The following FSCB variants were observed in gnomAD, a reference collection of about 807,000 sequenced individuals.
FSCB encodes the protein fibrous sheath CABYR binding protein, also known as fibrous sheath CABYR-binding protein.
For synonymous variants in FSCB, 331 were observed against 336.6 expected, an observed-to-expected ratio of 0.98 and a Z score of 0.18; for missense variants, 975 against 934.8, an observed-to-expected ratio of 1.04 and a Z score of -0.56.
In FSCB at chr14:44,504,828, T is replaced by C; in HGVS notation, c.2160A>G (p.Pro720=). Residue 720 remains proline, a synonymous_variant, in exon 1 of 1, where the codon CCA becomes CCG. Transcript: ENST00000340446. ...ACTCCTCAGTCAGAAGCAAATCAGC[T>C]GGTGGGGAATGTTTGTCAACGGAGG... ...EEASVDKHSP[P]ADLLLTEEFP... is the part of the protein sequence containing the mutation. 1.9e-6 allele frequency: 3 copies of C among 1,614,082 alleles called. No individual in the cohort carries two copies. The highest frequency in any genetic ancestry group is 8.5e-7 in the Non-Finnish European group (1 of 1,180,008).
Position 44,505,223 on chromosome 14 carries a change from C to T in FSCB, c.1765G>A (p.Ala589Thr). ...PSGEETTAEE[A>T]SAAIQLLAAT... ...GCTAGAAGCTGAATTGCAGCAGAGG[C>T]CTCTTCTGCAGTGGTCTCTTCACCT... The change falls in exon 1 of 1, where the codon GCC becomes ACC. Residue 589 changes from alanine (A) to threonine (T), a missense_variant. Ala to Thr is a moderately conservative substitution (Grantham distance 58, BLOSUM62 0). Coordinates refer to ENST00000340446, the MANE Select transcript of FSCB (RefSeq NM_032135.4). 2 of 1,612,976 alleles carry T rather than the reference C, an allele frequency of 1.2e-6. No homozygotes were observed. Among genetic ancestry groups the T allele is most frequent in the East Asian group, 2.2e-5 (1 of 44,858 alleles).
the FSCB span, chr14:44,505,866 CTT>C: frequency 6.2e-7 from 1 of 1,613,962 alleles, no homozygotes; most frequent in Non-Finnish European, 8.5e-7. Context: ...CTGAAGGAGA[CTT>C]TTCAGCTGGT....
At position 44,506,833 on chromosome 14, in the gene FSCB, G is replaced by A; in HGVS notation, c.155C>T (p.Ser52Phe). The A allele has an allele frequency of 1.2e-6, 2 of 1,614,052 alleles. No individual in the cohort carries two copies. The highest frequency in any genetic ancestry group is 1.7e-6 in the Non-Finnish European group (2 of 1,179,968). ...SAKAYESIRV[S>F]SELQQTWTKR... is the part of the protein sequence containing the mutation. Reference sequence around the variant, plus strand: ...TGTCCAAGTTTGCTGAAGCTCAGAAGATACTCTAATAGACTCATAGGCTTT... The same window carrying A: ...TGTCCAAGTTTGCTGAAGCTCAGAAAATACTCTAATAGACTCATAGGCTTT... The change falls in exon 1 of 1, where the codon TCT (serine) becomes TTT (phenylalanine). Residue 52 changes from serine to phenylalanine, a missense_variant. Ser to Phe is a radical substitution (Grantham distance 155, BLOSUM62 -2). Coordinates refer to ENST00000340446, the MANE Select transcript of FSCB (RefSeq NM_032135.4).
In FSCB at chr14:44,506,630, TTGG is replaced by T. The variant is rs1355178896; in HGVS notation, c.355_357del (p.Pro119del). 1 of 1,614,136 alleles carries T rather than the reference TTGG, an allele frequency of 6.2e-7. No individual in the cohort carries two copies. The highest frequency in any genetic ancestry group is 1.7e-5 in the Admixed American group (1 of 60,030). On this transcript the variant is annotated inframe_deletion, in exon 1 of 1. Transcript: ENST00000340446. The stretch of plus-strand genomic sequence containing the variant: ...ATTTTTAGTTGAACTGAAGGTATGT[TTGG>T]TGGAATTTCTACATCCTGAACACTC...
rs1317712871 is a variant in FSCB at position 44,505,826 on chromosome 14, A to G, written c.1162T>C (p.Ser388Pro). ...VELLGEIRSP[S>P]AQKAPIEVQP... is the part of the protein sequence containing the mutation. Reference sequence around the variant, plus strand: ...ACTTCAATGGGAGCCTTTTGTGCTGAGGGAGACCGAATTTCACCAAGAAGC... The same window carrying G: ...ACTTCAATGGGAGCCTTTTGTGCTGGGGGAGACCGAATTTCACCAAGAAGC... Residue 388 changes from serine to proline, a missense_variant, in exon 1 of 1, where the codon TCA (serine) becomes CCA (proline). Ser to Pro is a moderately conservative substitution (Grantham distance 74, BLOSUM62 -1). Coordinates refer to ENST00000340446, the MANE Select transcript of FSCB (RefSeq NM_032135.4). The G allele has an allele frequency of 6.2e-7, 1 of 1,614,006 alleles. No homozygotes were observed. Among genetic ancestry groups the G allele is most frequent in the Non-Finnish European group, 8.5e-7 (1 of 1,180,000 alleles).
rs771018416 is a variant in FSCB, at chr14:44,505,625, T to C, written c.1363A>G (p.Thr455Ala). 2.0e-5 allele frequency: 33 copies of C among 1,612,852 alleles called. No individual in the cohort carries two copies. The highest frequency in any genetic ancestry group is 2.7e-5 in the African/African-American group (2 of 74,734). Residue 455 changes from threonine to alanine, a missense_variant, in exon 1 of 1, where the codon ACT (threonine) becomes GCT (alanine). By Grantham distance (58) the Thr-to-Ala change is moderately conservative. Coordinates refer to ENST00000340446, the MANE Select transcript of FSCB (RefSeq NM_032135.4). ...TTAGGTAATGGAGACTGAAATTCAG[T>C]AGGAGCCTCTTCTGCAGGGGTCTCC... ...AMETPAEEAP[T>A]EFQSPLPKET... is the part of the protein sequence containing the mutation.
chr14:44,506,983 A>G lies in FSCB; in HGVS notation c.5T>C (p.Val2Ala). 1.9e-6 allele frequency: 3 copies of G among 1,575,944 alleles called. No individual in the cohort carries two copies. The highest frequency in any genetic ancestry group is 1.7e-6 in the Non-Finnish European group (2 of 1,156,362). Residue 2 changes from valine (V) to alanine (A), a missense_variant, in exon 1 of 1, where the codon GTA (valine) becomes GCA (alanine). Val to Ala is a moderately conservative substitution (Grantham distance 64). Coordinates refer to ENST00000340446, the MANE Select transcript of FSCB (RefSeq NM_032135.4). ...TACATCAGTTTGCTGGGATTTGCCT[A>G]CCATTGGTTTGCTGGGTCATCTTCT... Reference protein sequence around the residue: MVGKSQQTDVIE... With the variant: MAGKSQQTDVIE...
Position 44,506,453 on chromosome 14 carries a change from CCTTTGA to C in FSCB, c.529_534del (p.Ser177_Lys178del). Reference sequence around the variant, plus strand: ...GACGATTTATGTTTCAGGGCATCTTCCTTTGACTTTGTAGAAGAACTATCTGGCCTG... The same window carrying C: ...GACGATTTATGTTTCAGGGCATCTTCCTTTGTAGAAGAACTATCTGGCCTG... On this transcript the variant is annotated inframe_deletion, in exon 1 of 1. Coordinates refer to ENST00000340446, the MANE Select transcript of FSCB (RefSeq NM_032135.4). 3.7e-6 allele frequency: 6 copies of C among 1,614,162 alleles called. No individual in the cohort carries two copies. The highest frequency in any genetic ancestry group is 1.1e-5 in the South Asian group (1 of 91,072).
Position 44,505,246 on chromosome 14 carries a change from C to T in FSCB, c.1742G>A (p.Gly581Asp), listed in dbSNP as rs751335150. Reference protein sequence around the residue: ...EAPLELQPPSGEETTAEEASA... With the variant: ...EAPLELQPPSDEETTAEEASA... ...GGCCTCTTCTGCAGTGGTCTCTTCA[C>T]CTGATGGAGGCTGAAGCTCAAGAGG... is the stretch of plus-strand genomic sequence containing the variant. The change falls in exon 1 of 1, where the codon GGT becomes GAT. Residue 581 changes from glycine (G) to aspartate (D), a missense_variant. Gly to Asp is a moderately conservative substitution (Grantham distance 94, BLOSUM62 -1). Transcript: ENST00000340446. 1 of 1,579,978 alleles carries T rather than the reference C, an allele frequency of 6.3e-7. No individual in the cohort carries two copies. The highest frequency in any genetic ancestry group is 1.8e-5 in the Admixed American group (1 of 56,726).
Position 44,506,067 on chromosome 14 carries a change from A to C in FSCB, c.921T>G (p.Thr307=), listed in dbSNP as rs760860291. The C allele has an allele frequency of 2.5e-5, 41 of 1,614,140 alleles. No homozygotes were observed. The Middle Eastern group carries it at 4.9e-4, about 19-fold the overall frequency. Residue 307 remains threonine (T), a synonymous_variant, in exon 1 of 1, where the codon ACT becomes ACG. Coordinates refer to ENST00000340446, the MANE Select transcript of FSCB (RefSeq NM_032135.4). ...CTTTAACAGAATTCTCCGCAACTGC[A>C]GTGGCTGCCTCAGCATCAGGAGTCT... ...TEETPDAEAA[T]AVAENSVKVQ... is the part of the protein sequence containing the mutation.
rs1160532756 is a variant in FSCB, at chr14:44,506,542, T to C, written c.446A>G (p.Glu149Gly). ...TGTCTGTTGTTCCTTGTCCACTTTT[T>C]CTACAGGGGGGATGTTCATCATGGT... ...YWTMMNIPPV[E>G]KVDKEQQTYF... Residue 149 changes from glutamate (E) to glycine (G), a missense_variant, in exon 1 of 1, where the codon GAA becomes GGA. Physicochemically the swap from Glu to Gly is moderately conservative, Grantham distance 98. Transcript: ENST00000340446. 6.2e-7 allele frequency: 1 copy of C among 1,614,100 alleles called. No homozygotes were observed. Among genetic ancestry groups the C allele is most frequent in the Non-Finnish European group, 8.5e-7 (1 of 1,180,038 alleles).
In FSCB at chr14:44,504,809, C is replaced by T; in HGVS notation, c.2179G>A (p.Glu727Lys). The change falls in exon 1 of 1, where the codon GAG becomes AAG. Residue 727 changes from glutamate (E) to lysine (K), a missense_variant. Glu to Lys is a moderately conservative substitution (Grantham distance 56, BLOSUM62 1). Transcript: ENST00000340446. ...HSPPADLLLT[E>K]EFPIGEASAE... ...GAGGCCTCTCCTATAGGAAACTCCTCAGTCAGAAGCAAATCAGCTGGTGGG... is the reference window on the plus strand; with the variant it reads ...GAGGCCTCTCCTATAGGAAACTCCTTAGTCAGAAGCAAATCAGCTGGTGGG... 2 of 1,614,158 alleles carry T rather than the reference C, an allele frequency of 1.2e-6. No individual in the cohort carries two copies. The highest frequency in any genetic ancestry group is 1.7e-6 in the Non-Finnish European group (2 of 1,180,034).
chr14:44,507,061 T>C lies in FSCB; in HGVS notation c.-74A>G, dbSNP rs530257531. 1.3e-5 allele frequency: 14 copies of C among 1,111,308 alleles called. No homozygotes were observed. The highest frequency in any genetic ancestry group is 4.9e-5 in the East Asian group (2 of 41,084). The allele number at this position is 1,111,308 out of a possible 1,614,324, so 68.8% of individuals were successfully genotyped here. On this transcript the variant is annotated 5_prime_UTR_variant, in exon 1 of 1. Coordinates refer to ENST00000340446, the MANE Select transcript of FSCB (RefSeq NM_032135.4). ...GATAGGCTGATTAGAGTCATCACTT[T>C]CTTCCATTTCTAAGAGTAGTGATTT...
rs1284621897 is a variant in FSCB, at chr14:44,506,211, A to T, written c.777T>A (p.Pro259=). 6.2e-7 allele frequency: 1 copy of T among 1,614,018 alleles called. No homozygotes were observed. Among genetic ancestry groups the T allele is most frequent in the African/African-American group, 1.3e-5 (1 of 74,902 alleles). ...VKKVASAEIE[P]PSTEKFPAKI... ...TAGCTGGGAATTTTTCTGTTGATGG[A>T]GGCTCTATTTCAGCAGAAGCCACTT... Residue 259 remains proline, a synonymous_variant, in exon 1 of 1, where the codon CCT becomes CCA. Transcript: ENST00000340446.
At position 44,506,650 on chromosome 14, in the gene FSCB, T is replaced by C; in HGVS notation, c.338A>G (p.Gln113Arg). Reference protein sequence around the residue: ...EAAIELPESVQDVEIPPNIPS... With the variant: ...EAAIELPESVRDVEIPPNIPS... ...TATGTTTGGTGGAATTTCTACATCC[T>C]GAACACTCTCTGGCAATTCAATAGC... Residue 113 changes from glutamine to arginine, a missense_variant, in exon 1 of 1, where the codon CAG becomes CGG. Gln to Arg is a conservative substitution (Grantham distance 43, BLOSUM62 1). Coordinates refer to ENST00000340446, the MANE Select transcript of FSCB (RefSeq NM_032135.4). 1 of 1,614,214 alleles carries C rather than the reference T, an allele frequency of 6.2e-7. No individual in the cohort carries two copies. The highest frequency in any genetic ancestry group is 1.1e-5 in the South Asian group (1 of 91,074).
rs753067531 is a variant in FSCB at position 44,505,510 on chromosome 14, G to C, written c.1478C>G (p.Ser493Cys). 6.2e-7 allele frequency: 1 copy of C among 1,612,090 alleles called. No individual in the cohort carries two copies. Reference protein sequence around the residue: ...PADETPAEARSPLSEETSAEE... With the variant: ...PADETPAEARCPLSEETSAEE... ...TGCAGAAGTCTCCTCAGATAGTGGA[G>C]ACCGAGCTTCGGCAGGAGTTTCATC... Residue 493 changes from serine (S) to cysteine (C), a missense_variant, in exon 1 of 1, where the codon TCT becomes TGT. Coordinates refer to ENST00000340446, the MANE Select transcript of FSCB (RefSeq NM_032135.4).
Position 44,506,375 on chromosome 14 carries a change from T to C in FSCB, c.613A>G (p.Asn205Asp), listed in dbSNP as rs897982395. The C allele has an allele frequency of 6.2e-7, 1 of 1,614,168 alleles. No individual in the cohort carries two copies. The highest frequency in any genetic ancestry group is 8.5e-7 in the Non-Finnish European group (1 of 1,180,030). ...HPEFQPATNSNEEIGQKNISR... is the reference protein window; with the variant it reads ...HPEFQPATNSDEEIGQKNISR... ...ATATTTTTCTGCCCAATTTCTTCATTGCTGTTTGTTGCTGGTTGAAATTCA... is the reference window on the plus strand; with the variant it reads ...ATATTTTTCTGCCCAATTTCTTCATCGCTGTTTGTTGCTGGTTGAAATTCA... Residue 205 changes from asparagine (N) to aspartate (D), a missense_variant, in exon 1 of 1, where the codon AAT (asparagine) becomes GAT (aspartate). Transcript: ENST00000340446.
In FSCB at chr14:44,505,317, A is replaced by G; in HGVS notation, c.1671T>C (p.Ala557=). The stretch of plus-strand genomic sequence containing the variant: ...CCTTAGCTGATGGAGACTGAACTTC[A>G]GCAGGAGCCTCTTCTGCAGAAGTCT... The part of the protein sequence containing the change: ...SEETSAEEAP[A]EVQSPSAKGV... The change falls in exon 1 of 1, where the codon GCT becomes GCC. Residue 557 remains alanine, a synonymous_variant. Coordinates refer to ENST00000340446, the MANE Select transcript of FSCB (RefSeq NM_032135.4). 1 of 1,612,970 alleles carries G rather than the reference A, an allele frequency of 6.2e-7. No homozygotes were observed. The highest frequency in any genetic ancestry group is 8.5e-7 in the Non-Finnish European group (1 of 1,179,938).
At position 44,506,080 on chromosome 14, in the gene FSCB, G is replaced by C; in HGVS notation, c.908C>G (p.Ala303Gly). ...VQPSTEETPD[A>G]EAATAVAENS... Reference sequence around the variant, plus strand: ...CTCCGCAACTGCAGTGGCTGCCTCAGCATCAGGAGTCTCTTCAGTTGATGG... The same window carrying C: ...CTCCGCAACTGCAGTGGCTGCCTCACCATCAGGAGTCTCTTCAGTTGATGG... The change falls in exon 1 of 1, where the codon GCT becomes GGT. Residue 303 changes from alanine to glycine, a missense_variant. Physicochemically the swap from Ala to Gly is moderately conservative, Grantham distance 60. Coordinates refer to ENST00000340446, the MANE Select transcript of FSCB (RefSeq NM_032135.4). The C allele has an allele frequency of 6.2e-7, 1 of 1,614,164 alleles. No individual in the cohort carries two copies. The highest frequency in any genetic ancestry group is 8.5e-7 in the Non-Finnish European group (1 of 1,180,026).
Sources: allele counts gnomAD v4.1 joint callset, GRCh38; gene constraint gnomAD v4.1.1; transcripts MANE v1.5; gene names NCBI Gene and HGNC (gene_info 2026-07-23, HGNC 2026-07-21).